The following MRC2 variants were observed in gnomAD, a reference collection of about 807,000 sequenced individuals.
The protein encoded by MRC2 is C-type mannose receptor 2.
In MRC2, 84 loss-of-function variants were observed where a neutral mutation model predicts 206.2. The observed-to-expected ratio is 0.41, with a 90% confidence interval of 0.34 to 0.49. The LOEUF is 0.49. Ranked by LOEUF, MRC2 falls within the 20% of genes least tolerant of loss-of-function variation. MRC2 has a pLI of 0.31. For synonymous variants in MRC2, 798 were observed against 800.0 expected, an observed-to-expected ratio of 1.00 and a Z score of 0.04; for missense variants, 1,676 against 2,001.5, an observed-to-expected ratio of 0.84 and a Z score of 3.10.
intron 1 of MRC2, among the ~76,000 whole-genome samples, chr17:62,645,523 ATATATTTTTTTTTT>A (rs1174707441): frequency 0.017 from 684 of 39,910 alleles, 7 homozygotes; most frequent in African/African-American, 0.061. Flanking sequence ...ATATATATAT[ATATATTTTTTTTTT>A]TTTTTTTTTT....
At chr17:62,688,442 C>T in intron 21 of MRC2, 39 bp downstream of exon 21, 2 of 1,613,986 alleles carry the variant, frequency 1.2e-6, no homozygotes, top group Non-Finnish European at 1.7e-6. Context: ...TATCCTCTGA[C>T]ACTGTCCCCC....
chr17:62,662,988 C>G lies in MRC2; in HGVS notation c.119-1560C>G, dbSNP rs868667303. Among the ~76,000 whole-genome samples the G allele has an allele frequency of 1.2e-4, 18 of 152,224 alleles. No homozygotes were observed. The Middle Eastern group carries it at 0.014, about 115-fold the overall frequency. ...CATCATTTCAACACATGAAAAGTAT[C>G]CTGGGGAGCTAGTGGCTAGTGGATG... On this transcript the variant is annotated intron_variant, in intron 1 of 29. Coordinates refer to ENST00000303375, the MANE Select transcript of MRC2 (RefSeq NM_006039.5).
At chr17:62,691,184 G>T in intron 28 of MRC2, 56 bp downstream of exon 28, 1 of 1,517,864 alleles carries the variant, frequency 6.6e-7, no homozygotes, top group Non-Finnish European at 8.8e-7. Flanking sequence ...CGCTGGTCCT[G>T]GGCTGGGGCT....
rs147246372 is a variant in MRC2, at chr17:62,649,980, C to T, written c.119-14568C>T. ...CACTATCTCGGCTCACTGCAACCTC[C>T]GCCTCCAGGGTTCAAGTGATTCTCC... On this transcript the variant is annotated intron_variant, in intron 1 of 29. Transcript: ENST00000303375. 1.5e-3 allele frequency among the ~76,000 whole-genome samples: 221 copies of T among 151,760 alleles called. 1 individual carries two copies. The highest frequency in any genetic ancestry group is 5.1e-3 in the African/African-American group (211 of 41,336).
At position 62,680,318 on chromosome 17, in the gene MRC2, A is replaced by C; in HGVS notation, c.2437+10A>C. 6.2e-7 allele frequency: 1 copy of C among 1,613,686 alleles called. No homozygotes were observed. Among genetic ancestry groups the C allele is most frequent in the Non-Finnish European group, 8.5e-7 (1 of 1,179,842 alleles). On this transcript the variant is annotated intron_variant, in intron 15 of 29. Coordinates refer to ENST00000303375, the MANE Select transcript of MRC2 (RefSeq NM_006039.5). This position sits in a 1 kb window ranked among gnomAD's most constrained non-coding sequence, Gnocchi z 4.8. ...TGCAAGATCCCCAGAGGTTGGCCGG[A>C]GTGGCGCTGGGGGACGCGGGATGGA...
chr17:62,651,124 G>C lies in MRC2; in HGVS notation c.119-13424G>C, dbSNP rs893166141. Among the ~76,000 whole-genome samples, 4 of 148,362 alleles carry C rather than the reference G, an allele frequency of 2.7e-5. No individual in the cohort carries two copies. The Admixed American group carries it at 2.7e-4, about 10-fold the overall frequency. On this transcript the variant is annotated intron_variant, in intron 1 of 29. Transcript: ENST00000303375. Reference sequence around the variant, plus strand: ...TTTTTAAACGCAGTCTCGCTCTGTCGCCAGGCTGGAGTGCAGTAGTGCGAT... The same window carrying C: ...TTTTTAAACGCAGTCTCGCTCTGTCCCCAGGCTGGAGTGCAGTAGTGCGAT...
Position 62,671,858 on chromosome 17 carries a change from G to A in MRC2, c.1306+21G>A, listed in dbSNP as rs763694183. On this transcript the variant is annotated intron_variant, in intron 7 of 29. Coordinates refer to ENST00000303375, the MANE Select transcript of MRC2 (RefSeq NM_006039.5). This position sits in a 1 kb window ranked among gnomAD's most constrained non-coding sequence, Gnocchi z 4.5. The stretch of plus-strand genomic sequence containing the variant: ...GCAAGGTGAGGAGCTGCCCGCCCAC[G>A]TGTCTGGGTGGAGGGCAGGGCCTCC... 1.9e-5 allele frequency: 30 copies of A among 1,585,978 alleles called. No homozygotes were observed. The South Asian group carries it at 2.4e-4, about 13-fold the overall frequency.
chr17:62,667,015 C>A lies in MRC2; in HGVS notation c.973+145C>A, dbSNP rs1402469674. On this transcript the variant is annotated intron_variant, in intron 5 of 29. Coordinates refer to ENST00000303375, the MANE Select transcript of MRC2 (RefSeq NM_006039.5). This position sits in a 1 kb window ranked among gnomAD's most constrained non-coding sequence, Gnocchi z 4.1. ...CCTCCACCCCCCTCCCCAGACTGCG[C>A]CCCCCTAGCCCATGTAGGGCGGCGC... 2.2e-5 allele frequency: 15 copies of A among 687,358 alleles called. No homozygotes were observed. The East Asian group carries it at 3.6e-4, about 16-fold the overall frequency. The allele number at this position is 687,358 out of a possible 1,614,324, so 42.6% of individuals were successfully genotyped here.
intron 1 of MRC2, among the ~76,000 whole-genome samples, chr17:62,644,783 A>T (rs1394293012): frequency 6.6e-6 from 1 of 151,996 alleles, no homozygotes; most frequent in East Asian, 1.9e-4. Context: ...AGGGCATAGG[A>T]TTCCTCCACG....
intron 1 of MRC2, among the ~76,000 whole-genome samples, chr17:62,631,667 C>T (rs1385875185): frequency 1.3e-5 from 2 of 152,068 alleles, no homozygotes; most frequent in Admixed American, 1.3e-4. Context: ...TGTCAGCGGT[C>T]TGGGCGCTTG....
At chr17:62,628,334 C>T (rs1280335765) in intron 1 of MRC2, among the ~76,000 whole-genome samples, 1 of 152,184 alleles carries the variant, frequency 6.6e-6, no homozygotes, top group Non-Finnish European at 1.5e-5. Context: ...GGCCCAGTCT[C>T]CTCGCTCTGC....
chr17:62,660,770 G>A (rs189356885), intron 1 of MRC2, among the ~76,000 whole-genome samples: 39 of 152,164 alleles, frequency 2.6e-4, no homozygotes, highest in East Asian at 1.7e-3. Flanking sequence ...CATCCCTGAC[G>A]TTCAGTATAC....
chr17:62,665,030 C>T, intron 2 of MRC2, 81 bp downstream of exon 2: 3 of 1,464,720 alleles, frequency 2.0e-6, no homozygotes, highest in Non-Finnish European at 2.7e-6. Context: ...TTCCCAGTGA[C>T]AAGGCCTTTG....
chr17:62,655,622 G>A (rs907886952), intron 1 of MRC2, among the ~76,000 whole-genome samples: 1 of 151,050 alleles, frequency 6.6e-6, no homozygotes, highest in African/African-American at 2.4e-5. Context: ...TGGGGGCTTA[G>A]GTGGGAGGAT....
intron 28 of MRC2, among the ~76,000 whole-genome samples, chr17:62,691,742 G>C (rs1028635662): frequency 2.2e-5 from 3 of 139,336 alleles, no homozygotes; most frequent in Non-Finnish European, 4.5e-5. Context: ...CTGCATTCCA[G>C]CCTGGGCAAC....
At chr17:62,663,099 G>A (rs1486331932) in intron 1 of MRC2, among the ~76,000 whole-genome samples, 2 of 152,148 alleles carry the variant, frequency 1.3e-5, no homozygotes, top group Non-Finnish European at 2.9e-5. Flanking sequence ...GGTGATGGAT[G>A]TCACAGAGAT....
chr17:62,654,077 C>T (rs894568872), intron 1 of MRC2, among the ~76,000 whole-genome samples: 3 of 152,164 alleles, frequency 2.0e-5, no homozygotes, highest in Non-Finnish European at 4.4e-5. Flanking sequence ...AAAACAGCTG[C>T]TCCTCTTGGC....
chr17:62,674,508 GC>G (rs1457572437), intron 9 of MRC2, among the ~76,000 whole-genome samples: 1 of 152,154 alleles, frequency 6.6e-6, no homozygotes, highest in African/African-American at 2.4e-5. Flanking sequence ...GTCATGTCAA[GC>G]AGTGGCTGCC....
intron 1 of MRC2, among the ~76,000 whole-genome samples, chr17:62,638,239 T>C (rs1472882893): frequency 3.9e-5 from 6 of 152,120 alleles, no homozygotes; most frequent in Admixed American, 3.9e-4. Flanking sequence ...TTTTTTTTAA[T>C]AGAAAGGCAA....
Sources: gnomAD v4.1 joint callset for allele counts (sites outside exome capture counted in the v4.1 genomes callset) on GRCh38, gnomAD v4.1.1 for gene constraint, Gnocchi (gnomAD v3.1) non-coding constraint, MANE v1.5 for transcripts, NCBI Gene and HGNC (gene_info 2026-07-23, HGNC 2026-07-21) for gene names.